The following CEP68 variants were observed in gnomAD, a reference collection of about 807,000 sequenced individuals.
The protein encoded by CEP68 is centrosomal protein 68, also known as centrosomal protein of 68 kDa.
Under a neutral mutation model 55.3 loss-of-function variants are expected in CEP68, and 26 were observed. The observed-to-expected ratio is 0.47, with a 90% confidence interval of 0.34 to 0.65. The LOEUF is 0.65. CEP68 is among the 30% of genes least tolerant of loss of function. CEP68 has a pLI of 0.01. For synonymous variants in CEP68, 402 were observed against 383.2 expected (o/e 1.05, Z -0.57); for missense variants, 957 against 946.7 (o/e 1.01, Z -0.14).
chr2:65,062,323 C>G (rs1324781711), intron 1 of CEP68, among the ~76,000 whole-genome samples: 1 of 152,142 alleles, frequency 6.6e-6, no homozygotes, highest in Non-Finnish European at 1.5e-5. Flanking sequence ...CACTTGAGGC[C>G]GGGAGTTCGA....
chr2:65,078,543 T>C (rs1676866318), intron 5 of CEP68, among the ~76,000 whole-genome samples: 1 of 152,036 alleles, frequency 6.6e-6, no homozygotes, highest in Non-Finnish European at 1.5e-5. Context: ...CCTTTTTGTT[T>C]TGTTTTGCTT....
intron 2 of CEP68, chr2:65,071,009 A>C (rs773058299): frequency 1.8e-5 from 3 of 167,686 alleles, no homozygotes; most frequent in African/African-American, 7.2e-5. Flanking sequence ...TCATTCTGCT[A>C]GTGTTCAGTT....
chr2:65,056,920 C>A (rs940020198), intron 1 of CEP68, among the ~76,000 whole-genome samples: 1 of 152,218 alleles, frequency 6.6e-6, no homozygotes. Flanking sequence ...TCCCTCAGGC[C>A]TCTCCCGGGC....
At position 65,072,000 on chromosome 2, in the gene CEP68, C is replaced by A. The variant is rs1184777007; in HGVS notation, c.904C>A (p.Leu302Met). The A allele has an allele frequency of 1.9e-6, 3 of 1,613,048 alleles. No homozygotes were observed. Among genetic ancestry groups the A allele is most frequent in the African/African-American group, 1.3e-5 (1 of 74,868 alleles). Residue 302 changes from leucine (L) to methionine (M), a missense_variant, in exon 3 of 7, where the codon CTG becomes ATG. Leu to Met is a conservative substitution (Grantham distance 15). Transcript: ENST00000377990. ...LWNPNKEYED[L>M]LDYTYPLRPG... ...GAACCCAAATAAAGAGTATGAAGATCTGCTTGACTATACTTACCCACTGAG... is the reference window on the plus strand; with the variant it reads ...GAACCCAAATAAAGAGTATGAAGATATGCTTGACTATACTTACCCACTGAG...
In CEP68 at chr2:65,080,651, C is replaced by G. The variant is rs934937971; in HGVS notation, c.2105-1885C>G. The G allele has an allele frequency of 5.1e-6, 3 of 584,392 alleles. No homozygotes were observed. The African/African-American group carries it at 6.1e-5, about 12-fold the overall frequency. 36.2% of individuals were successfully genotyped at this position (584,392 alleles called of 1,614,324 possible). A position where few individuals can be genotyped will look rare whatever the true frequency, so the allele number is the denominator to read the frequency against. ...TGGCCAACATGGCGAAACCCCATCT[C>G]TACTAAAAGTAAAAAAATTAGCTGG... On this transcript the variant is annotated intron_variant, in intron 5 of 6. Coordinates refer to ENST00000377990, the MANE Select transcript of CEP68 (RefSeq NM_015147.3).
rs1280156530 is a variant in CEP68 at position 65,072,563 on chromosome 2, GAC to G, written c.1471_1472del (p.Gln491GlyfsTer3). On this transcript the variant is annotated frameshift_variant, in exon 3 of 7. Coordinates refer to ENST00000377990, the MANE Select transcript of CEP68 (RefSeq NM_015147.3). LOFTEE classifies it high-confidence loss of function. Reference sequence around the variant, plus strand: ...AGTATCTTGCCCTCCCCGCTCGGCTGACACAGGTTTCTAGCCTGGTTTCGTAT... The same window carrying G: ...AGTATCTTGCCCTCCCCGCTCGGCTGACAGGTTTCTAGCCTGGTTTCGTAT... ...DEYLALPARL[T>X]QVSSLVSYLG... The G allele has an allele frequency of 1.9e-6, 3 of 1,614,142 alleles. No homozygotes were observed. Among genetic ancestry groups the G allele is most frequent in the Non-Finnish European group, 1.7e-6 (2 of 1,180,034 alleles).
Position 65,072,577 on chromosome 2 carries a change from G to A in CEP68, c.1481G>A (p.Ser494Asn). 6 of 1,614,104 alleles carry A rather than the reference G, an allele frequency of 3.7e-6. No individual in the cohort carries two copies. The highest frequency in any genetic ancestry group is 4.2e-6 in the Non-Finnish European group (5 of 1,180,002). ...CCCGCTCGGCTGACACAGGTTTCTA[G>A]CCTGGTTTCGTATCTAGGATCCATT... ...ALPARLTQVS[S>N]LVSYLGSIST... Residue 494 changes from serine (S) to asparagine (N), a missense_variant, in exon 3 of 7, where the codon AGC becomes AAC. Coordinates refer to ENST00000377990, the MANE Select transcript of CEP68 (RefSeq NM_015147.3).
intron 5 of CEP68, among the ~76,000 whole-genome samples, chr2:65,079,870 A>G (rs984558903): frequency 1.3e-5 from 2 of 152,216 alleles, no homozygotes; most frequent in African/African-American, 2.4e-5. Flanking sequence ...ACGGTGGTTC[A>G]CGCCTGTAAT....
At chr2:65,079,231 G>A (rs975773005) in intron 5 of CEP68, among the ~76,000 whole-genome samples, 26 of 152,224 alleles carry the variant, frequency 1.7e-4, no homozygotes, top group African/African-American at 6.3e-4. Context: ...GGTGCATACC[G>A]TGAAGGGTGT....
chr2:65,058,301 G>A (rs1305780791), intron 1 of CEP68, among the ~76,000 whole-genome samples: 2 of 151,736 alleles, frequency 1.3e-5, no homozygotes, highest in East Asian at 1.9e-4. Flanking sequence ...AACCTCCTGG[G>A]GTCGAGTCCC....
chr2:65,063,684 T>G (rs1443886063), intron 1 of CEP68, among the ~76,000 whole-genome samples: 1 of 152,230 alleles, frequency 6.6e-6, no homozygotes, highest in Non-Finnish European at 1.5e-5. Flanking sequence ...CAGACCTTCA[T>G]GCAGTGTTAC....
At chr2:65,077,831 GA>G (rs1558567497) in intron 4 of CEP68, 36 bp from the exon 5 acceptor site, 1 of 1,496,684 alleles carries the variant, frequency 6.7e-7, no homozygotes, top group African/African-American at 1.4e-5. Flanking sequence ...CAATAGTAAC[GA>G]AGCTTCTGCC....
In CEP68 at chr2:65,056,457, C is replaced by T. The variant is rs969081502; in HGVS notation, c.-118C>T. 4 of 152,504 alleles carry T rather than the reference C, an allele frequency of 2.6e-5. No individual in the cohort carries two copies. Among genetic ancestry groups the T allele is most frequent in the African/African-American group, 9.6e-5 (4 of 41,472 alleles). The allele number at this position is 152,504 out of a possible 1,614,324, so 9.4% of individuals were successfully genotyped here. On this transcript the variant is annotated 5_prime_UTR_variant, in exon 1 of 7. Transcript: ENST00000377990. Reference sequence around the variant, plus strand: ...GGAGGGCCGCAGTTGCAGTCAGGGTCCGCCAGCTCGGGGCCAGCGCATGGG... The same window carrying T: ...GGAGGGCCGCAGTTGCAGTCAGGGTTCGCCAGCTCGGGGCCAGCGCATGGG...
At chr2:65,057,014 C>T (rs977714974) in intron 1 of CEP68, among the ~76,000 whole-genome samples, 7 of 100,354 alleles carry the variant, frequency 7.0e-5, no homozygotes, top group African/African-American at 3.6e-4. Context: ...GTGATGTCTT[C>T]TTATCGCCGC....
chr2:65,071,875 C>G lies in CEP68; in HGVS notation c.779C>G (p.Ser260Cys). ...PQPVFSGGDA[S>C]GLGRRRLSFQ... ...CCTGTGTTCTCTGGGGGTGATGCTT[C>G]TGGGCTAGGCAGGAGACGCCTCTCC... Residue 260 changes from serine (S) to cysteine (C), a missense_variant, in exon 3 of 7, where the codon TCT becomes TGT. By Grantham distance (112) the Ser-to-Cys change is moderately radical. Coordinates refer to ENST00000377990, the MANE Select transcript of CEP68 (RefSeq NM_015147.3). 1 of 1,610,104 alleles carries G rather than the reference C, an allele frequency of 6.2e-7. No homozygotes were observed. The highest frequency in any genetic ancestry group is 8.5e-7 in the Non-Finnish European group (1 of 1,178,018).
chr2:65,066,217 A>G (rs1676156091), intron 1 of CEP68, among the ~76,000 whole-genome samples: 1 of 152,208 alleles, frequency 6.6e-6, no homozygotes, highest in African/African-American at 2.4e-5. Context: ...GATATCATCC[A>G]GGCAGACATG....
chr2:65,082,611 C>CT lies in CEP68; in HGVS notation c.2181dup (p.Ile728TyrfsTer16), dbSNP rs767254642. On this transcript the variant is annotated frameshift_variant, in exon 6 of 7. Coordinates refer to ENST00000377990, the MANE Select transcript of CEP68 (RefSeq NM_015147.3). LOFTEE classifies it high-confidence loss of function. ...AGCCACGCAGATCGCCTGTATGACT[C>CT]TATCTTGGCCTCTCTGGACATGCTG... 2.5e-6 allele frequency: 4 copies of CT among 1,611,690 alleles called. No homozygotes were observed. Among genetic ancestry groups the CT allele is most frequent in the South Asian group, 1.1e-5 (1 of 90,854 alleles).
At chr2:65,064,870 G>A (rs991540261) in intron 1 of CEP68, among the ~76,000 whole-genome samples, 1 of 152,118 alleles carries the variant, frequency 6.6e-6, no homozygotes, top group African/African-American at 2.4e-5. Context: ...GCCTGTAAAC[G>A]TCTTCATGTG....
Position 65,082,724 on chromosome 2 carries a change from T to C in CEP68, c.*4+15T>C, listed in dbSNP as rs1326897338. 6.5e-7 allele frequency: 1 copy of C among 1,526,864 alleles called. No homozygotes were observed. Among genetic ancestry groups the C allele is most frequent in the Non-Finnish European group, 8.8e-7 (1 of 1,142,362 alleles). 94.6% of individuals were successfully genotyped at this position (1,526,864 alleles called of 1,614,324 possible). The stretch of plus-strand genomic sequence containing the variant: ...GGTTTAACCTGGTAAGTGGAGGAAC[T>C]CAAAAAGAAAATTTGCCCACCAACC... On this transcript the variant is annotated intron_variant, in intron 6 of 6. Transcript: ENST00000377990.
Sources: allele counts gnomAD v4.1 joint callset (sites outside exome capture counted in the v4.1 genomes callset), GRCh38; gene constraint gnomAD v4.1.1; transcripts MANE v1.5; gene names NCBI Gene and HGNC (gene_info 2026-07-23, HGNC 2026-07-21).